The following ARSG variants were observed in gnomAD, a reference collection of about 807,000 sequenced individuals.
ARSG encodes arylsulfatase G.
In ARSG, 37 loss-of-function variants were observed where a neutral mutation model predicts 50.5. The observed-to-expected ratio is 0.73, with a 90% confidence interval of 0.56 to 0.96. ARSG has a LOEUF of 0.96. Among genes scored for constraint, ARSG ranks in the 50% least tolerant of loss-of-function variants. The pLI is 0.00. For synonymous variants in ARSG, 225 were observed against 254.6 expected (o/e 0.88, Z 1.11); for missense variants, 629 against 675.3 (o/e 0.93, Z 0.76).
intron 2 of ARSG, among the ~76,000 whole-genome samples, chr17:68,316,493 C>T (rs1042127310): frequency 2.6e-5 from 4 of 152,226 alleles, no homozygotes; most frequent in Admixed American, 6.5e-5. Flanking sequence ...TAATTGTTCA[C>T]GTACTTGGAT....
chr17:68,433,027 C>T, the ARSG span, among the ~76,000 whole-genome samples: 2 of 152,168 alleles, frequency 1.3e-5, no homozygotes, highest in African/African-American at 4.8e-5. Flanking sequence ...GCTTCCCAAG[C>T]GCTCAGTGGT....
At chr17:68,425,511 G>A (rs376820441), downstream of ARSG, among the ~76,000 whole-genome samples, 10 of 150,922 alleles carry the variant, frequency 6.6e-5, no homozygotes, top group East Asian at 1.4e-3. Flanking sequence ...GTGAGCCACC[G>A]CACCCGGCCA....
chr17:68,284,094 ACT>A (rs1437061643), intron 1 of ARSG, among the ~76,000 whole-genome samples: 2 of 121,966 alleles, frequency 1.6e-5, no homozygotes, highest in Non-Finnish European at 3.3e-5. Flanking sequence ...ATAGAGTGAG[ACT>A]CTGTCTCAAA....
At chr17:68,371,224 G>T (rs1263246771) in intron 8 of ARSG, among the ~76,000 whole-genome samples, 1 of 150,506 alleles carries the variant, frequency 6.6e-6, no homozygotes, top group Admixed American at 6.7e-5. Flanking sequence ...GGAGGCTGAG[G>T]CAGGAGAATG....
At chr17:68,340,441 T>A (rs2078216844) in intron 2 of ARSG, among the ~76,000 whole-genome samples, 1 of 152,074 alleles carries the variant, frequency 6.6e-6, no homozygotes, top group Non-Finnish European at 1.5e-5. Flanking sequence ...TGTGCCACCA[T>A]GTCCGGCTAT....
chr17:68,441,614 G>A, the ARSG span, among the ~76,000 whole-genome samples: 2 of 152,166 alleles, frequency 1.3e-5, no homozygotes, highest in Admixed American at 6.5e-5. Flanking sequence ...TCACTGAAGC[G>A]CAGCTCTGAC....
At chr17:68,287,276 G>A (rs1377263957), upstream of ARSG, among the ~76,000 whole-genome samples, 2 of 151,294 alleles carry the variant, frequency 1.3e-5, no homozygotes, top group Non-Finnish European at 2.9e-5. Context: ...GTATCTAAAC[G>A]ATAGTGCTGG....
At chr17:68,270,597 C>T (rs1568403470) in intron 1 of ARSG, among the ~76,000 whole-genome samples, 1 of 151,734 alleles carries the variant, frequency 6.6e-6, no homozygotes, top group African/African-American at 2.4e-5. Context: ...ACTACAGACA[C>T]AGCTTCCAGT....
intron 5 of ARSG, among the ~76,000 whole-genome samples, chr17:68,352,584 A>G (rs2078851856): frequency 6.7e-6 from 1 of 149,172 alleles, no homozygotes; most frequent in South Asian, 2.1e-4. Context: ...ATCTCGGCTC[A>G]CTGCAACCTC....
chr17:68,297,531 T>C (rs1555758780), intron 1 of ARSG, among the ~76,000 whole-genome samples: 1 of 152,270 alleles, frequency 6.6e-6, no homozygotes, highest in African/African-American at 2.4e-5. Context: ...CAGAGCTTGC[T>C]TAACAAACAA....
Position 68,385,066 on chromosome 17 carries a change from G to A in ARSG, c.985G>A (p.Gly329Arg). ...FTGFWQTRQGGSPAKQTTWEG... is the reference protein window; with the variant it reads ...FTGFWQTRQGRSPAKQTTWEG... ...AGCTGCCTCCCCTCCTCTCACAGGG[G>A]GAAGTCCAGCCAAGCAGACGACCTG... The change falls in exon 9 of 12, where the codon GGA becomes AGA. Residue 329 changes from glycine (G) to arginine (R), a missense_variant and splice_region_variant. Gly to Arg is a moderately radical substitution (Grantham distance 125). Transcript: ENST00000621439. 1 of 1,613,902 alleles carries A rather than the reference G, an allele frequency of 6.2e-7. No individual in the cohort carries two copies. The highest frequency in any genetic ancestry group is 2.2e-5 in the East Asian group (1 of 44,856).
At chr17:68,375,379 A>G (rs905424769) in intron 8 of ARSG, among the ~76,000 whole-genome samples, 2 of 152,106 alleles carry the variant, frequency 1.3e-5, no homozygotes, top group Non-Finnish European at 2.9e-5. Context: ...TAACAGTACA[A>G]ATTTTAGGGC....
chr17:68,273,343 G>C (rs2075404867), intron 1 of ARSG, among the ~76,000 whole-genome samples: 1 of 152,008 alleles, frequency 6.6e-6, no homozygotes, highest in African/African-American at 2.4e-5. Flanking sequence ...AAAGTGATAG[G>C]ATGGTTACAG....
intron 1 of ARSG, chr17:68,270,943 A>G: frequency 6.2e-7 from 1 of 1,614,228 alleles, no homozygotes; most frequent in Non-Finnish European, 8.5e-7. Flanking sequence ...CTCAGCAAGC[A>G]GTGGAATGTG....
intron 1 of ARSG, among the ~76,000 whole-genome samples, chr17:68,275,963 A>G (rs2075503051): frequency 2.0e-5 from 3 of 151,726 alleles, no homozygotes; most frequent in Admixed American, 6.6e-5. Context: ...AGCCTAGGCA[A>G]CAAAGCGAGA....
chr17:68,429,051 C>G, the ARSG span: 3 of 736,004 alleles, frequency 4.1e-6, no homozygotes, highest in Non-Finnish European at 7.0e-6. Flanking sequence ...TTTGACAAAC[C>G]CTTAGCCCAC....
intron 2 of ARSG, among the ~76,000 whole-genome samples, chr17:68,341,026 A>G (rs1039028417): frequency 4.6e-5 from 7 of 152,174 alleles, no homozygotes; most frequent in South Asian, 4.1e-4. Context: ...ACTCTACCAT[A>G]TCACATAAAA....
At chr17:68,278,316 G>A (rs2075590224) in intron 1 of ARSG, 1 of 1,612,178 alleles carries the variant, frequency 6.2e-7, no homozygotes, top group Non-Finnish European at 8.5e-7. Flanking sequence ...TTTATTTTGG[G>A]TCATTCTTAA....
At chr17:68,356,553 T>C in intron 5 of ARSG, 114 bp from the exon 6 acceptor site, 1 of 1,259,926 alleles carries the variant, frequency 7.9e-7, no homozygotes, top group Non-Finnish European at 1.1e-6. Flanking sequence ...AGAAAAATCA[T>C]TTGGGGCCAG....
Sources: gnomAD v4.1 joint callset for allele counts (sites outside exome capture counted in the v4.1 genomes callset) on GRCh38, gnomAD v4.1.1 for gene constraint, MANE v1.5 for transcripts, NCBI Gene and HGNC (gene_info 2026-07-23, HGNC 2026-07-21) for gene names.